USH1C: variants seen among roughly 807,000 people sequenced by gnomAD.
USH1C encodes the protein USH1 protein network component harmonin.
USH1C carries 90 observed loss-of-function variants against 119.3 expected under a neutral mutation model. The ratio of observed to expected loss-of-function variants is 0.75; its 90% CI spans 0.64 to 0.90. USH1C has a LOEUF of 0.90. USH1C is among the 40% of genes least tolerant of loss of function. The probability of loss-of-function intolerance (pLI) is 0.00; values close to 1 mark genes in which losing one functional copy is unlikely to be tolerated. For synonymous variants in USH1C, 465 were observed against 443.3 expected (o/e 1.05, Z -0.62); for missense variants, 1,165 against 1,167.7 (o/e 1.00, Z 0.03).
At chr11:17,506,733 C>A (rs550590283) in intron 18 of USH1C, among the ~76,000 whole-genome samples, 2 of 152,344 alleles carry the variant, frequency 1.3e-5, no homozygotes, top group South Asian at 2.1e-4. Flanking sequence ...GGCGTCACTG[C>A]CTTCTGGAAG....
chr11:17,512,040 C>T lies in USH1C; in HGVS notation c.1275G>A (p.Lys425=). Residue 425 remains lysine, a synonymous_variant, in exon 16 of 27, where the codon AAG becomes AAA. Transcript: ENST00000005226. ...GCAGGCTGCCATACTTGGCTTTCTT[C>T]TTATCTTTTCCTTTCTGAGTAGATG... ...FPTIRKKGKD[K]KKAKYGSLQD... is the part of the protein sequence containing the mutation. The T allele has an allele frequency of 1.2e-6, 2 of 1,614,206 alleles. No individual in the cohort carries two copies. Among genetic ancestry groups the T allele is most frequent in the Non-Finnish European group, 1.7e-6 (2 of 1,180,036 alleles).
At chr11:17,508,749 T>G (rs1330234917) in intron 18 of USH1C, among the ~76,000 whole-genome samples, 37 of 152,234 alleles carry the variant, frequency 2.4e-4, no homozygotes. Flanking sequence ...CTCTCTCATC[T>G]TCATTTTTTC....
rs750363411 is a variant in USH1C at position 17,498,279 on chromosome 11, C to G, written c.2381-8G>C. The G allele has an allele frequency of 1.2e-6, 2 of 1,613,844 alleles. No individual in the cohort carries two copies. Among genetic ancestry groups the G allele is most frequent in the Non-Finnish European group, 1.7e-6 (2 of 1,179,842 alleles). On this transcript the variant is annotated splice_polypyrimidine_tract_variant and splice_region_variant and intron_variant, in intron 23 of 26. Coordinates refer to ENST00000005226, the MANE Select transcript of USH1C (RefSeq NM_153676.4). ...CCCCTTTCACAATGCCACCTGCAGG[C>G]AGATGAGGCTGATTGGCCAACTGGG...
chr11:17,518,653 C>G (rs1430040226), intron 14 of USH1C, among the ~76,000 whole-genome samples: 1 of 152,168 alleles, frequency 6.6e-6, no homozygotes, highest in African/African-American at 2.4e-5. Context: ...GCAGTCAGTC[C>G]CAGGCACATA....
intron 24 of USH1C, 26 bp from the exon 25 acceptor site, chr11:17,496,839 G>C: frequency 6.2e-7 from 1 of 1,613,938 alleles, no homozygotes; most frequent in Non-Finnish European, 8.5e-7. Flanking sequence ...GTGTGACTCT[G>C]GGGCACACTC....
chr11:17,505,812 G>C lies in USH1C; in HGVS notation c.2133+18C>G. 1 of 1,613,870 alleles carries C rather than the reference G, an allele frequency of 6.2e-7. No individual in the cohort carries two copies. Among genetic ancestry groups the C allele is most frequent in the South Asian group, 1.1e-5 (1 of 91,034 alleles). ...CTGCTCCTCTAGAGACAACCTGGAG[G>C]GGACCCAAGGGGCTTACCAGAACTT... On this transcript the variant is annotated intron_variant, in intron 19 of 26. Transcript: ENST00000005226.
Position 17,498,231 on chromosome 11 carries a change from GC to G in USH1C, c.2420del (p.Gly807AlafsTer4), listed in dbSNP as rs748171099. On this transcript the variant is annotated frameshift_variant, in exon 24 of 27. Coordinates refer to ENST00000005226, the MANE Select transcript of USH1C (RefSeq NM_153676.4). LOFTEE classifies it high-confidence loss of function. ...CCAGGGTGTAGTCTGTCACAATCTT[GC>G]CGTTGATTGCCATGATCTCGTCCCC... ...VKGDEIMAIN[G>X]KIVTDYTLAE... The G allele has an allele frequency of 6.2e-7, 1 of 1,614,050 alleles. No individual in the cohort carries two copies. The highest frequency in any genetic ancestry group is 1.3e-5 in the African/African-American group (1 of 74,922).
intron 1 of USH1C, among the ~76,000 whole-genome samples, chr11:17,534,326 C>T (rs1344671895): frequency 1.3e-5 from 2 of 152,262 alleles, no homozygotes; most frequent in Admixed American, 1.3e-4. Flanking sequence ...CCGGGGCAGT[C>T]TGTCCGTCCC....
At position 17,511,995 on chromosome 11, in the gene USH1C, C is replaced by T. The variant is rs974841634; in HGVS notation, c.1320G>A (p.Lys440=). ...YGSLQDLRKN[K]KELEFEQKLY... ...GCTTTTGCTCAAACTCCAGTTCTTT[C>T]TTATTCTTTCTCAAGTCCTGCAGGC... is the stretch of plus-strand genomic sequence containing the variant. The change falls in exon 16 of 27, where the codon AAG becomes AAA. Residue 440 remains lysine (K), a synonymous_variant. Coordinates refer to ENST00000005226, the MANE Select transcript of USH1C (RefSeq NM_153676.4). 7 of 1,614,106 alleles carry T rather than the reference C, an allele frequency of 4.3e-6. No homozygotes were observed. The African/African-American group carries it at 9.3e-5, about 22-fold the overall frequency.
intron 1 of USH1C, among the ~76,000 whole-genome samples, chr11:17,543,492 A>G (rs1384808047): frequency 1.3e-5 from 2 of 152,110 alleles, no homozygotes; most frequent in Non-Finnish European, 2.9e-5. Flanking sequence ...GATCTCTTTG[A>G]TGGCCCTCTC....
At chr11:17,497,281 C>G (rs948412468) in intron 24 of USH1C, among the ~76,000 whole-genome samples, 2 of 152,180 alleles carry the variant, frequency 1.3e-5, no homozygotes, top group Non-Finnish European at 1.5e-5. Flanking sequence ...TACTGCCATC[C>G]TTGACTTGCC....
intron 4 of USH1C, among the ~76,000 whole-genome samples, chr11:17,529,657 T>C (rs543444845): frequency 6.6e-6 from 1 of 152,304 alleles, no homozygotes; most frequent in South Asian, 2.1e-4. Context: ...CTGGCTCAGG[T>C]TGCAGGATCA....
At position 17,544,369 on chromosome 11, in the gene USH1C, G is replaced by A; in HGVS notation, c.-62C>T. 3.1e-6 allele frequency: 5 copies of A among 1,611,334 alleles called. No homozygotes were observed. Among genetic ancestry groups the A allele is most frequent in the African/African-American group, 1.3e-5 (1 of 75,018 alleles). ...GTTCCTTCGGGTGCCCGGCTGCCAG[G>A]AGCTGGAAAGAGCCGCGACCGCGAC... On this transcript the variant is annotated 5_prime_UTR_variant, in exon 1 of 27. Transcript: ENST00000005226.
In USH1C at chr11:17,533,248, C is replaced by A; in HGVS notation, c.104+7G>T. ...TGGCCCACAAGAGCTGGACCCAGCACACTTACTGGTGGTACATTCGCAGCA... is the reference window on the plus strand; with the variant it reads ...TGGCCCACAAGAGCTGGACCCAGCAAACTTACTGGTGGTACATTCGCAGCA... On this transcript the variant is annotated splice_region_variant and intron_variant, in intron 2 of 26. Coordinates refer to ENST00000005226, the MANE Select transcript of USH1C (RefSeq NM_153676.4). 1 of 1,612,942 alleles carries A rather than the reference C, an allele frequency of 6.2e-7. No individual in the cohort carries two copies. The highest frequency in any genetic ancestry group is 8.5e-7 in the Non-Finnish European group (1 of 1,178,956).
intron 1 of USH1C, among the ~76,000 whole-genome samples, chr11:17,538,222 C>T (rs962739967): frequency 6.6e-6 from 1 of 152,168 alleles, no homozygotes; most frequent in African/African-American, 2.4e-5. Flanking sequence ...CCTAGATTAG[C>T]ATTTGCTGAC....
intron 1 of USH1C, among the ~76,000 whole-genome samples, chr11:17,539,919 A>G (rs1393877801): frequency 6.8e-6 from 1 of 147,942 alleles, no homozygotes; most frequent in Non-Finnish European, 1.5e-5. Context: ...TGCAGCCTCA[A>G]CCTCCAGGCT....
intron 12 of USH1C, 80 bp downstream of exon 12, chr11:17,522,704 A>T (rs955909118): frequency 1.2e-6 from 2 of 1,602,292 alleles, no homozygotes; most frequent in African/African-American, 2.7e-5. Flanking sequence ...CTGGGGACAC[A>T]GCGGGCAGGA....
Position 17,526,421 on chromosome 11 carries a change from G to A in USH1C, c.600C>T (p.Gly200=), listed in dbSNP as rs748975874. 5 of 1,614,106 alleles carry A rather than the reference G, an allele frequency of 3.1e-6. No individual in the cohort carries two copies. The Admixed American group carries it at 6.7e-5, about 22-fold the overall frequency. ...SESGGVRGSL[G]SPGNRENKEK... ...CCTTGTTTTCCCGATTTCCAGGGGA[G>A]CCCAGGCTGCCTCGCACGCCCTGAA... is the stretch of plus-strand genomic sequence containing the variant. Residue 200 remains glycine (G), a synonymous_variant, in exon 8 of 27, where the codon GGC becomes GGT. Transcript: ENST00000005226.
intron 18 of USH1C, among the ~76,000 whole-genome samples, chr11:17,507,119 C>A (rs554830118): frequency 7.1e-4 from 108 of 152,264 alleles, no homozygotes; most frequent in Middle Eastern, 6.8e-3. Flanking sequence ...CTGCTGGTGG[C>A]TGGGCTGACT....
Sources: gnomAD v4.1 joint callset for allele counts (sites outside exome capture counted in the v4.1 genomes callset) on GRCh38, gnomAD v4.1.1 for gene constraint, MANE v1.5 for transcripts, NCBI Gene and HGNC (gene_info 2026-07-23, HGNC 2026-07-21) for gene names.